Variants in DCDC1 observed in about 807,000 individuals in gnomAD.
DCDC1 encodes the protein doublecortin domain containing 1.
Under a neutral mutation model 178.3 loss-of-function variants are expected in DCDC1, and 200 were observed. The ratio of observed to expected loss-of-function variants is 1.12; its 90% CI spans 1.00 to 1.26. DCDC1 has a LOEUF of 1.26. Among genes scored for constraint, DCDC1 ranks in the 50% most tolerant of loss-of-function variants. The probability of loss-of-function intolerance (pLI) is 0.00; values close to 1 mark genes in which losing one functional copy is unlikely to be tolerated. For missense variants in DCDC1, 1,983 were observed against 1,749.2 expected (o/e 1.13, Z -2.38); for synonymous variants, 690 against 604.8 (o/e 1.14, Z -2.07).
intron 31 of DCDC1, chr11:30,904,639 G>A: frequency 3.3e-6 from 1 of 305,742 alleles, no homozygotes. Flanking sequence ...GCTGGCATGA[G>A]AAACAAGGCA....
chr11:31,285,954 TC>T (rs1241420332), intron 7 of DCDC1, among the ~76,000 whole-genome samples: 1 of 152,092 alleles, frequency 6.6e-6, no homozygotes, highest in African/African-American at 2.4e-5. Flanking sequence ...CTATCTAACT[TC>T]CCCCAACCTC....
In DCDC1 at chr11:30,881,200, C is replaced by A. The variant is rs377373372; in HGVS notation, c.5191G>T (p.Val1731Phe). 5.3e-5 allele frequency: 85 copies of A among 1,613,538 alleles called. No homozygotes were observed. The East Asian group carries it at 1.3e-3, about 25-fold the overall frequency. The change falls in exon 37 of 39, where the codon GTC (valine) becomes TTC (phenylalanine). Residue 1731 changes from valine to phenylalanine, a missense_variant. By Grantham distance (50) the Val-to-Phe change is conservative (BLOSUM62 -1). Transcript: ENST00000684477. ...QSWDDIERDM[V>F]ICVSMGHGFK... ...CCATGTCCCATAGACACACAGATGA[C>A]CATATCTCGCTCTATGTCGTCCCAG...
At chr11:31,248,223 A>G (rs1298172394) in intron 8 of DCDC1, among the ~76,000 whole-genome samples, 1 of 152,072 alleles carries the variant, frequency 6.6e-6, no homozygotes, top group African/African-American at 2.4e-5. Context: ...ACTTGAGAGT[A>G]TTTGTATTTA....
chr11:31,182,487 A>C (rs773998026), intron 9 of DCDC1, among the ~76,000 whole-genome samples: 4 of 152,224 alleles, frequency 2.6e-5, no homozygotes, highest in Non-Finnish European at 5.9e-5. Flanking sequence ...GGAGCTTCAT[A>C]AGCAAAGGAG....
At chr11:31,288,881 T>A (rs1018139086) in intron 7 of DCDC1, among the ~76,000 whole-genome samples, 11 of 151,834 alleles carry the variant, frequency 7.2e-5, no homozygotes, top group Non-Finnish European at 1.5e-4. Context: ...TCTAAAAAGT[T>A]CTTATTGACA....
intron 6 of DCDC1, among the ~76,000 whole-genome samples, chr11:31,299,961 A>G (rs578000879): frequency 5.2e-4 from 79 of 152,154 alleles, no homozygotes; most frequent in African/African-American, 1.9e-3. Flanking sequence ...GGGTTCAAGC[A>G]ATTCTCCTGC....
chr11:31,281,841 C>T (rs977316397), intron 7 of DCDC1, among the ~76,000 whole-genome samples: 3 of 152,130 alleles, frequency 2.0e-5, no homozygotes, highest in Non-Finnish European at 2.9e-5. Flanking sequence ...CTTCCTCAGT[C>T]ATGTGAAACT....
intron 1 of DCDC1, among the ~76,000 whole-genome samples, chr11:31,364,618 A>G (rs672396): frequency 0.67 from 102,529 of 151,948 alleles, 35,284 homozygotes; most frequent in African/African-American, 0.79. Flanking sequence ...CCCGCAAAAA[A>G]TATTTACCTC....
intron 5 of DCDC1, 114 bp downstream of exon 5, chr11:31,306,118 G>A (rs759513782): frequency 1.3e-5 from 14 of 1,038,192 alleles, no homozygotes; most frequent in African/African-American, 3.4e-5. Context: ...ATAAGCAATC[G>A]GTAGATTCAG....
intron 6 of DCDC1, among the ~76,000 whole-genome samples, chr11:31,304,826 G>A (rs1948347348): frequency 6.6e-6 from 1 of 152,066 alleles, no homozygotes; most frequent in Non-Finnish European, 1.5e-5. Flanking sequence ...TTATGGCAAA[G>A]TCCTTATTCC....
At chr11:31,050,792 T>A (rs995803544) in intron 20 of DCDC1, among the ~76,000 whole-genome samples, 2 of 152,074 alleles carry the variant, frequency 1.3e-5, no homozygotes, top group Non-Finnish European at 2.9e-5. Context: ...GCTACATCTA[T>A]AGGAAAAGGG....
At chr11:31,138,268 A>G (rs1398847528) in intron 9 of DCDC1, among the ~76,000 whole-genome samples, 3 of 152,216 alleles carry the variant, frequency 2.0e-5, no homozygotes, top group South Asian at 4.1e-4. Flanking sequence ...AGGATCATGT[A>G]TCTAAATACA....
At chr11:31,140,408 T>C (rs1423195224) in intron 9 of DCDC1, among the ~76,000 whole-genome samples, 4 of 152,178 alleles carry the variant, frequency 2.6e-5, no homozygotes. Context: ...TTGTCCCTTT[T>C]AAATATAAGA....
intron 20 of DCDC1, among the ~76,000 whole-genome samples, chr11:31,039,269 A>G (rs1056285353): frequency 2.0e-4 from 31 of 152,168 alleles, no homozygotes; most frequent in African/African-American, 7.5e-4. Flanking sequence ...AAAACAGTCA[A>G]AGGAAAATGC....
chr11:31,111,055 G>C (rs2135802691), intron 11 of DCDC1, among the ~76,000 whole-genome samples: 1 of 152,286 alleles, frequency 6.6e-6, no homozygotes, highest in Middle Eastern at 3.4e-3. Flanking sequence ...CTTCACTAGA[G>C]TGAACACCAC....
Position 30,916,965 on chromosome 11 carries a change from C to A in DCDC1, c.3357G>T (p.Trp1119Cys). 6.2e-7 allele frequency: 1 copy of A among 1,611,148 alleles called. No homozygotes were observed. The highest frequency in any genetic ancestry group is 8.5e-7 in the Non-Finnish European group (1 of 1,178,620). ...CATCAAAGTCATGTGAAGTTTCCTGCCAGGCATACCTGGGAAGTGTGTGAC... is the reference window on the plus strand; with the variant it reads ...CATCAAAGTCATGTGAAGTTTCCTGACAGGCATACCTGGGAAGTGTGTGAC... Reference protein sequence around the residue: ...KACHTLPRYAWQETSHDFDED... With the variant: ...KACHTLPRYACQETSHDFDED... The change falls in exon 26 of 39, where the codon TGG becomes TGT. Residue 1119 changes from tryptophan to cysteine, a missense_variant. Physicochemically the swap from Trp to Cys is radical, Grantham distance 215 (BLOSUM62 -2). Transcript: ENST00000684477.
intron 21 of DCDC1, among the ~76,000 whole-genome samples, chr11:30,937,689 C>T (rs1947361857): frequency 6.6e-6 from 1 of 152,124 alleles, no homozygotes; most frequent in African/African-American, 2.4e-5. Flanking sequence ...GAGCTTCCCT[C>T]AGTAATTCCT....
intron 18 of DCDC1, among the ~76,000 whole-genome samples, chr11:31,066,037 A>G (rs1407036753): frequency 1.3e-5 from 2 of 152,204 alleles, no homozygotes; most frequent in South Asian, 2.1e-4. Context: ...AATACTGCAG[A>G]CCAGATTCAG....
At chr11:31,310,009 G>GT (rs1167510524) in intron 3 of DCDC1, among the ~76,000 whole-genome samples, 18 of 152,110 alleles carry the variant, frequency 1.2e-4, no homozygotes, top group Admixed American at 1.1e-3. Flanking sequence ...CCATCTTCTG[G>GT]TAACAGCACT....
Sources: gnomAD v4.1 joint callset for allele counts (sites outside exome capture counted in the v4.1 genomes callset) on GRCh38, gnomAD v4.1.1 for gene constraint, MANE v1.5 for transcripts, NCBI Gene and HGNC (gene_info 2026-07-23, HGNC 2026-07-21) for gene names.